UGT1A7: variants seen among roughly 807,000 people sequenced by gnomAD.
The protein encoded by UGT1A7 is UDP glucuronosyltransferase family 1 member A7, also known as UDP-glucuronosyltransferase 1A7.
In UGT1A7, 33 loss-of-function variants were observed where a neutral mutation model predicts 45.6. The ratio of observed to expected loss-of-function variants is 0.72; its 90% CI spans 0.55 to 0.97. The LOEUF is 0.97. Ranked by LOEUF, UGT1A7 falls within the 50% of genes least tolerant of loss-of-function variation. The pLI, the probability that UGT1A7 is intolerant of heterozygous loss-of-function variation, is 0.00. For missense variants in UGT1A7, 684 were observed against 666.2 expected, an observed-to-expected ratio of 1.03 and a Z score of -0.29; for synonymous variants, 274 against 250.6, an observed-to-expected ratio of 1.09 and a Z score of -0.88.
Position 233,772,789 on chromosome 2 carries a change from G to A in UGT1A7, c.*230G>A. ...CCCCTCTGGTGTCTTTGATCAGGAT[G>A]ACATGTGCCATTTTTCAGAGGACGT... On this transcript the variant is annotated 3_prime_UTR_variant, in exon 5 of 5. Coordinates refer to ENST00000373426, the MANE Select transcript of UGT1A7 (RefSeq NM_019077.3). 8.1e-7 allele frequency: 1 copy of A among 1,234,684 alleles called. No homozygotes were observed. Among genetic ancestry groups the A allele is most frequent in the Non-Finnish European group, 1.1e-6 (1 of 930,096 alleles). The allele number at this position is 1,234,684 out of a possible 1,614,324, so 76.5% of individuals were successfully genotyped here. A position where few individuals can be genotyped will look rare whatever the true frequency, so the allele number is the denominator to read the frequency against.
chr2:233,749,307 G>A (rs1308092621), intron 1 of UGT1A7, among the ~76,000 whole-genome samples: 5 of 151,782 alleles, frequency 3.3e-5, no homozygotes, highest in Non-Finnish European at 7.4e-5. Context: ...TAAAATATGT[G>A]TTTATTAGAT....
chr2:233,759,131 C>T (rs889675688), intron 1 of UGT1A7, among the ~76,000 whole-genome samples: 18 of 152,174 alleles, frequency 1.2e-4, no homozygotes, highest in African/African-American at 3.6e-4. Flanking sequence ...GCCTCTGGTA[C>T]GCAATGAAGG....
intron 1 of UGT1A7, chr2:233,743,832 T>TG (rs1692537259): frequency 7.3e-7 from 1 of 1,367,134 alleles, no homozygotes; most frequent in South Asian, 1.1e-5. Flanking sequence ...GGGTGCCACT[T>TG]GAGCGCCAGC....
chr2:233,739,834 G>T (rs1286639353), intron 1 of UGT1A7, among the ~76,000 whole-genome samples: 1 of 152,016 alleles, frequency 6.6e-6, no homozygotes, highest in Non-Finnish European at 1.5e-5. Context: ...GAAAAGACAT[G>T]AGATTTGGGA....
At chr2:233,712,103 C>G (rs1277472248) in intron 1 of UGT1A7, among the ~76,000 whole-genome samples, 2 of 152,212 alleles carry the variant, frequency 1.3e-5, no homozygotes, top group Admixed American at 1.3e-4. Flanking sequence ...ACACTTCAGT[C>G]TCTAAGCAGA....
rs17863778 is a variant in UGT1A7, at chr2:233,682,328, C to A, written c.391C>A (p.Arg131=). 1,002,390 of 1,612,746 alleles carry A rather than the reference C, an allele frequency of 0.62. 314,246 individuals are homozygous for A. The highest frequency in any genetic ancestry group is 0.65 in the South Asian group (59,101 of 91,048). Residue 131 remains arginine (R), a synonymous_variant, in exon 1 of 5, where the codon CGA becomes AGA. Coordinates refer to ENST00000373426, the MANE Select transcript of UGT1A7 (RefSeq NM_019077.3). The part of the protein sequence containing the change: ...FSNCRSLFND[R]KLVEYLKESC... ...AAATTGCAGGAGTTTGTTTAATGAC[C>A]GAAAATTAGTAGAATACTTAAAGGA... is the stretch of plus-strand genomic sequence containing the variant.
chr2:233,727,541 C>A (rs1316411121), intron 1 of UGT1A7, among the ~76,000 whole-genome samples: 2 of 152,166 alleles, frequency 1.3e-5, no homozygotes, highest in Non-Finnish European at 2.9e-5. Context: ...GCGTGTTCCA[C>A]CCGTCACCTG....
intron 1 of UGT1A7, among the ~76,000 whole-genome samples, chr2:233,745,499 C>T (rs763251786): frequency 6.6e-6 from 1 of 151,510 alleles, no homozygotes; most frequent in Non-Finnish European, 1.5e-5. Context: ...TCTAAGATTT[C>T]CTATAGGGTA....
intron 1 of UGT1A7, chr2:233,718,950 ATGCGGGAGGCCT>A (rs1337113701): frequency 6.2e-7 from 1 of 1,614,178 alleles, no homozygotes. Flanking sequence ...CTGGCTCAGC[ATGCGGGAGGCCT>A]TGCGGGAGCT....
At chr2:233,738,659 C>A (rs562004619) in intron 1 of UGT1A7, among the ~76,000 whole-genome samples, 17 of 152,190 alleles carry the variant, frequency 1.1e-4, no homozygotes, top group Admixed American at 4.6e-4. Flanking sequence ...GAACTACGAA[C>A]TTGAGAGAGA....
intron 1 of UGT1A7, among the ~76,000 whole-genome samples, chr2:233,748,621 T>C (rs1261589705): frequency 1.3e-5 from 2 of 151,698 alleles, no homozygotes; most frequent in African/African-American, 4.9e-5. Context: ...ACGTGGGATA[T>C]ATGTCTGTGA....
At chr2:233,751,152 G>T (rs1694652317) in intron 1 of UGT1A7, among the ~76,000 whole-genome samples, 1 of 151,956 alleles carries the variant, frequency 6.6e-6, no homozygotes, top group Non-Finnish European at 1.5e-5. Flanking sequence ...GCCCACTTCT[G>T]GCATCAGCAT....
chr2:233,707,242 T>C (rs1364036901), intron 1 of UGT1A7, among the ~76,000 whole-genome samples: 1 of 152,184 alleles, frequency 6.6e-6, no homozygotes, highest in African/African-American at 2.4e-5. Flanking sequence ...ATTATTTCTC[T>C]TGTGTTTTTC....
chr2:233,771,304 C>T (rs1274088915), intron 4 of UGT1A7: 1 of 152,118 alleles, frequency 6.6e-6, no homozygotes, highest in Non-Finnish European at 1.5e-5. Flanking sequence ...CTTCCTCCTC[C>T]TTTTCCCTCT....
At chr2:233,709,178 C>T (rs1251204225) in intron 1 of UGT1A7, among the ~76,000 whole-genome samples, 1 of 152,082 alleles carries the variant, frequency 6.6e-6, no homozygotes, top group Non-Finnish European at 1.5e-5. Flanking sequence ...ATGTTCTATC[C>T]TGAGCTGGGA....
intron 1 of UGT1A7, chr2:233,754,831 A>G (rs1459496565): frequency 1.5e-6 from 2 of 1,342,814 alleles, no homozygotes; most frequent in Non-Finnish European, 2.0e-6. Flanking sequence ...AAAGCTGGAA[A>G]TTCACTGAAG....
At chr2:233,710,364 A>G (rs1054910663) in intron 1 of UGT1A7, among the ~76,000 whole-genome samples, 1 of 152,224 alleles carries the variant, frequency 6.6e-6, no homozygotes, top group Non-Finnish European at 1.5e-5. Context: ...CAGTTATACA[A>G]TTTTACATTC....
chr2:233,733,388 G>A (rs1393287938), intron 1 of UGT1A7, among the ~76,000 whole-genome samples: 2 of 152,180 alleles, frequency 1.3e-5, no homozygotes. Flanking sequence ...TTTTGTGCCA[G>A]TTTTCAAAGG....
In UGT1A7 at chr2:233,719,639, G is replaced by A. The variant is rs771839689; in HGVS notation, c.855+36847G>A. The A allele has an allele frequency of 2.5e-6, 4 of 1,614,048 alleles. No individual in the cohort carries two copies. In the Admixed American group the frequency reaches 6.7e-5, roughly 27 times the overall value. ...ACCCCAGGCCGATCATGCCCAACAT[G>A]GTCTTCATTGGGGGCATCAACTGTG... On this transcript the variant is annotated intron_variant, in intron 1 of 4. Coordinates refer to ENST00000373426, the MANE Select transcript of UGT1A7 (RefSeq NM_019077.3).
Sources: gnomAD v4.1 joint callset for allele counts (sites outside exome capture counted in the v4.1 genomes callset) on GRCh38, gnomAD v4.1.1 for gene constraint, MANE v1.5 for transcripts, NCBI Gene and HGNC (gene_info 2026-07-23, HGNC 2026-07-21) for gene names.